YTHDC1: variants seen among roughly 807,000 people sequenced by gnomAD.
The protein encoded by YTHDC1 is YTH domain-containing protein 1.
Under a neutral mutation model 107.0 loss-of-function variants are expected in YTHDC1, and 12 were observed. That is an observed-to-expected ratio of 0.11 (90% confidence interval 0.07 to 0.18). YTHDC1 has a LOEUF of 0.18. Among genes scored for constraint, YTHDC1 ranks in the 10% least tolerant of loss-of-function variants. The probability of loss-of-function intolerance (pLI) is 1.00; values close to 1 mark genes in which losing one functional copy is unlikely to be tolerated. For missense variants in YTHDC1, 635 were observed against 898.8 expected (o/e 0.71, Z 3.75); for synonymous variants, 280 against 289.5 (o/e 0.97, Z 0.33).
At chr4:68,343,062 C>T (rs1043106955) in intron 1 of YTHDC1, among the ~76,000 whole-genome samples, 4 of 152,128 alleles carry the variant, frequency 2.6e-5, no homozygotes, top group Non-Finnish European at 5.9e-5. Context: ...ATTAGAAATG[C>T]CAGGTTAAGA....
chr4:68,336,985 A>C (rs753250726), intron 4 of YTHDC1, 42 bp downstream of exon 4: 5 of 1,533,288 alleles, frequency 3.3e-6, no homozygotes, highest in East Asian at 4.5e-5. Flanking sequence ...GAAACCTATC[A>C]AGCTTTTTTT....
Position 68,349,925 on chromosome 4 carries a change from C to A in YTHDC1, c.-172G>T. 4 of 858,096 alleles carry A rather than the reference C, an allele frequency of 4.7e-6. No individual in the cohort carries two copies. In the South Asian group the frequency reaches 6.4e-5, roughly 14 times the overall value. 53.2% of individuals were successfully genotyped at this position (858,096 alleles called of 1,614,324 possible). A position where few individuals can be genotyped will look rare whatever the true frequency, so the allele number is the denominator to read the frequency against. ...CCTTCTCGACTCTTCCCGCTTTTTC[C>A]CTTTCTCCCTTCCTTTCACTCCAGC... On this transcript the variant is annotated 5_prime_UTR_variant, in exon 1 of 17. Transcript: ENST00000344157.
chr4:68,314,327 G>A lies in YTHDC1; in HGVS notation c.1960-4C>T. On this transcript the variant is annotated splice_region_variant and splice_polypyrimidine_tract_variant and intron_variant, in intron 16 of 16. Transcript: ENST00000344157. Reference sequence around the variant, plus strand: ...CCACCCTCATATCATAATCATGCTAGAAAAGGAAAGAAATGTGTTAGGTAT... The same window carrying A: ...CCACCCTCATATCATAATCATGCTAAAAAAGGAAAGAAATGTGTTAGGTAT... 1 of 1,613,548 alleles carries A rather than the reference G, an allele frequency of 6.2e-7. No homozygotes were observed. The highest frequency in any genetic ancestry group is 8.5e-7 in the Non-Finnish European group (1 of 1,179,908).
chr4:68,348,738 A>C (rs1266360504), intron 1 of YTHDC1, among the ~76,000 whole-genome samples: 5 of 152,146 alleles, frequency 3.3e-5, no homozygotes, highest in African/African-American at 9.7e-5. Context: ...CCCACTTAAC[A>C]ACCCCCGACA....
At chr4:68,316,588 T>C (rs1721882703) in intron 15 of YTHDC1, 140 bp from the exon 16 acceptor site, 9 of 986,548 alleles carry the variant, frequency 9.1e-6, no homozygotes, top group Non-Finnish European at 5.7e-6. Context: ...TTAAGGTGTT[T>C]CAAAATATGC....
chr4:68,348,703 C>G (rs1217195643), intron 1 of YTHDC1, among the ~76,000 whole-genome samples: 1 of 152,120 alleles, frequency 6.6e-6, no homozygotes, highest in Non-Finnish European at 1.5e-5. Context: ...AAGGATTACA[C>G]GCCTAATGTA....
chr4:68,330,455 C>A (rs555201134), intron 7 of YTHDC1, 145 bp from the exon 8 acceptor site: 72 of 504,956 alleles, frequency 1.4e-4, no homozygotes, highest in South Asian at 1.6e-4. Context: ...TATCAGCTGT[C>A]AGAATAACGT....
At chr4:68,343,334 G>A (rs1419141957) in intron 1 of YTHDC1, among the ~76,000 whole-genome samples, 1 of 150,952 alleles carries the variant, frequency 6.6e-6, no homozygotes, top group Non-Finnish European at 1.5e-5. Context: ...GAGTAGCTAG[G>A]ATTACAGAGG....
chr4:68,327,168 G>A (rs1041660922), intron 9 of YTHDC1, among the ~76,000 whole-genome samples: 5 of 151,880 alleles, frequency 3.3e-5, no homozygotes, highest in Non-Finnish European at 7.4e-5. Flanking sequence ...CCCGGGAGGC[G>A]GAAGTTGTGG....
rs1289237794 is a variant in YTHDC1, at chr4:68,311,801, T to A, written c.*2298A>T. On this transcript the variant is annotated 3_prime_UTR_variant, in exon 17 of 17. Coordinates refer to ENST00000344157, the MANE Select transcript of YTHDC1 (RefSeq NM_001031732.4). ...TACAAAGCATAACTTAACATCTAAT[T>A]GGATGGCACTTTAGAAAAATCCTCT... is the stretch of plus-strand genomic sequence containing the variant. 2.0e-5 allele frequency: 3 copies of A among 152,192 alleles called. No individual in the cohort carries two copies. The highest frequency in any genetic ancestry group is 7.2e-5 in the African/African-American group (3 of 41,448). 9.4% of individuals were successfully genotyped at this position (152,192 alleles called of 1,614,324 possible).
intron 1 of YTHDC1, among the ~76,000 whole-genome samples, chr4:68,349,215 C>T (rs900354547): frequency 6.6e-6 from 1 of 152,186 alleles, no homozygotes; most frequent in African/African-American, 2.4e-5. Flanking sequence ...GGGTAATTCA[C>T]TTTGCCTATT....
At position 68,349,738 on chromosome 4, in the gene YTHDC1, G is replaced by T. The variant is rs1277216016; in HGVS notation, c.16C>A (p.Arg6=). MAADS[R]EEKDGELNVL... is the part of the protein sequence containing the mutation. ...TCTCCGCACTAACCTTTCTCCTCCC[G>T]ACTGTCAGCCGCCATGGCTCCCCTT... Residue 6 remains arginine (R), a synonymous_variant, in exon 1 of 17, where the codon CGG becomes AGG. Transcript: ENST00000344157. 1.2e-6 allele frequency: 2 copies of T among 1,611,420 alleles called. No homozygotes were observed. Among genetic ancestry groups the T allele is most frequent in the South Asian group, 2.2e-5 (2 of 91,020 alleles).
intron 4 of YTHDC1, among the ~76,000 whole-genome samples, chr4:68,333,695 G>A (rs927130144): frequency 6.6e-6 from 1 of 152,036 alleles, no homozygotes; most frequent in Non-Finnish European, 1.5e-5. Context: ...CAAGCGGGGG[G>A]GGAAATTTGC....
At chr4:68,336,915 C>A in intron 4 of YTHDC1, 112 bp downstream of exon 4, 1 of 1,354,826 alleles carries the variant, frequency 7.4e-7, no homozygotes, top group Non-Finnish European at 9.9e-7. Context: ...GATCACAAGA[C>A]AATCCTATTA....
chr4:68,312,024 G>A lies in YTHDC1; in HGVS notation c.*2075C>T, dbSNP rs995939734. Reference sequence around the variant, plus strand: ...TAGCGGGGTGTGGTGGTGGGTGCCTGTAGTCCCAGCCATTCGGGAGGCTGA... The same window carrying A: ...TAGCGGGGTGTGGTGGTGGGTGCCTATAGTCCCAGCCATTCGGGAGGCTGA... On this transcript the variant is annotated 3_prime_UTR_variant, in exon 17 of 17. Transcript: ENST00000344157. The A allele has an allele frequency of 6.6e-6, 1 of 152,186 alleles. No homozygotes were observed. Among genetic ancestry groups the A allele is most frequent in the Non-Finnish European group, 1.5e-5 (1 of 68,068 alleles). 9.4% of individuals were successfully genotyped at this position (152,186 alleles called of 1,614,324 possible). A position where few individuals can be genotyped will look rare whatever the true frequency, so the allele number is the denominator to read the frequency against.
At chr4:68,343,094 T>C (rs916120643) in intron 1 of YTHDC1, among the ~76,000 whole-genome samples, 1 of 152,208 alleles carries the variant, frequency 6.6e-6, no homozygotes, top group Non-Finnish European at 1.5e-5. Context: ...AGCATACAAT[T>C]CATGCACTAC....
intron 4 of YTHDC1, among the ~76,000 whole-genome samples, chr4:68,333,974 C>A (rs1723879444): frequency 6.6e-6 from 1 of 152,082 alleles, no homozygotes; most frequent in African/African-American, 2.4e-5. Flanking sequence ...TGGATTACTG[C>A]TCTTATTTTC....
intron 10 of YTHDC1, among the ~76,000 whole-genome samples, chr4:68,323,922 A>G (rs143221911): frequency 2.1e-3 from 314 of 152,368 alleles, no homozygotes; most frequent in African/African-American, 7.0e-3. Flanking sequence ...CTTCAATTGT[A>G]TCAAATGAAA....
At chr4:68,321,096 A>C (rs1578025614) in intron 11 of YTHDC1, among the ~76,000 whole-genome samples, 1 of 152,162 alleles carries the variant, frequency 6.6e-6, no homozygotes, top group African/African-American at 2.4e-5. Context: ...TTAGCAGCTA[A>C]TAAAGAGTTA....
Sources: gnomAD v4.1 joint callset for allele counts (sites outside exome capture counted in the v4.1 genomes callset) on GRCh38, gnomAD v4.1.1 for gene constraint, MANE v1.5 for transcripts, NCBI Gene and HGNC (gene_info 2026-07-23, HGNC 2026-07-21) for gene names.